Variants in SMCHD1 observed in about 807,000 individuals in gnomAD.
SMCHD1 encodes structural maintenance of chromosomes flexible hinge domain containing 1.
Under a neutral mutation model 254.7 loss-of-function variants are expected in SMCHD1, and 78 were observed. The observed-to-expected ratio is 0.31, with a 90% confidence interval of 0.26 to 0.37. The LOEUF (loss-of-function observed/expected upper bound fraction) is 0.37, where lower values mean the gene tolerates loss of function less well. Ranked by LOEUF, SMCHD1 falls within the 10% of genes least tolerant of loss-of-function variation. The pLI is 1.00. For missense variants in SMCHD1, 1,840 were observed against 2,408.1 expected (o/e 0.76, Z 4.94); for synonymous variants, 766 against 794.9 (o/e 0.96, Z 0.61).
intron 33 of SMCHD1, 141 bp from the exon 34 acceptor site, chr18:2,752,347 G>A (rs975289118): frequency 2.5e-5 from 16 of 638,190 alleles, no homozygotes; most frequent in South Asian, 9.0e-5. Flanking sequence ...AGATATAAAC[G>A]TGTGTATATA....
At chr18:2,688,580 A>G (rs751424431) in intron 6 of SMCHD1, 48 bp from the exon 7 acceptor site, 1 of 1,580,670 alleles carries the variant, frequency 6.3e-7, no homozygotes, top group East Asian at 2.2e-5. Flanking sequence ...TAAATGCATT[A>G]ACCAGTTTAT....
chr18:2,669,386 A>T (rs1008982381), intron 3 of SMCHD1, among the ~76,000 whole-genome samples: 3 of 152,142 alleles, frequency 2.0e-5, no homozygotes, highest in African/African-American at 7.2e-5. Flanking sequence ...CTTTGTAGAG[A>T]TGGAGTCTCA....
intron 44 of SMCHD1, 85 bp downstream of exon 44, chr18:2,778,324 A>C: frequency 1.0e-6 from 1 of 952,632 alleles, no homozygotes; most frequent in Non-Finnish European, 1.5e-6. Context: ...ACAAACGACT[A>C]GCCTTTTCAA....
In SMCHD1 at chr18:2,698,127, T is replaced by C. The variant is rs626994; in HGVS notation, c.1342+86T>C. The C allele has an allele frequency of 0.93, 993,750 of 1,066,468 alleles. 469,630 individuals are homozygous for C. The highest frequency in any genetic ancestry group is 1 in the East Asian group (38,514 of 38,520). 66.1% of individuals were successfully genotyped at this position (1,066,468 alleles called of 1,614,324 possible). Reference sequence around the variant, plus strand: ...TTTTTCTAAATGATTATCGGTTGGGTTATTCAGGTTAGATAAATATTAAAT... The same window carrying C: ...TTTTTCTAAATGATTATCGGTTGGGCTATTCAGGTTAGATAAATATTAAAT... On this transcript the variant is annotated intron_variant, in intron 10 of 47. Transcript: ENST00000320876.
At chr18:2,791,298 A>C (rs2076160604) in intron 45 of SMCHD1, among the ~76,000 whole-genome samples, 1 of 152,210 alleles carries the variant, frequency 6.6e-6, no homozygotes. Context: ...CCAAAGAAAA[A>C]AACCACTGAG....
At chr18:2,656,410 C>T (rs755504264) in intron 1 of SMCHD1, 149 bp downstream of exon 1, 15 of 777,114 alleles carry the variant, frequency 1.9e-5, no homozygotes, top group East Asian at 3.4e-5. Context: ...CCCGCCATGT[C>T]CGTGACCTGG....
chr18:2,728,783 A>G (rs530300279), intron 23 of SMCHD1, 187 bp downstream of exon 23: 4 of 522,642 alleles, frequency 7.7e-6, no homozygotes, highest in African/African-American at 2.0e-5. Flanking sequence ...AAAGATGCCA[A>G]CTGTGCCCAG....
chr18:2,760,218 G>A (rs193208046), intron 34 of SMCHD1, among the ~76,000 whole-genome samples: 1 of 152,278 alleles, frequency 6.6e-6, no homozygotes, highest in East Asian at 1.9e-4. Context: ...TACCTTGTAT[G>A]TGTAGTTAAA....
intron 29 of SMCHD1, among the ~76,000 whole-genome samples, chr18:2,747,310 G>A (rs187861402): frequency 2.4e-4 from 36 of 152,250 alleles, no homozygotes; most frequent in Admixed American, 1.6e-3. Flanking sequence ...TGTAATGTCA[G>A]GTGTTGCTTT....
At chr18:2,722,291 A>G (rs550151592) in intron 19 of SMCHD1, among the ~76,000 whole-genome samples, 1 of 152,314 alleles carries the variant, frequency 6.6e-6, no homozygotes, top group South Asian at 2.1e-4. Context: ...TACAAAAATT[A>G]GCCAGGTGTG....
chr18:2,787,322 C>T (rs1000172879), intron 45 of SMCHD1, among the ~76,000 whole-genome samples: 1 of 152,188 alleles, frequency 6.6e-6, no homozygotes, highest in Non-Finnish European at 1.5e-5. Context: ...CATTAGGCCT[C>T]ACCTCCCAAC....
chr18:2,659,559 T>G (rs2073180733), intron 1 of SMCHD1, among the ~76,000 whole-genome samples: 1 of 152,180 alleles, frequency 6.6e-6, no homozygotes, highest in African/African-American at 2.4e-5. Context: ...GAATCAACGA[T>G]TAGAAGATGA....
chr18:2,713,528 T>TA (rs35972993), intron 17 of SMCHD1, among the ~76,000 whole-genome samples: 46,890 of 151,674 alleles, frequency 0.31, 7,478 homozygotes, highest in East Asian at 0.5. Flanking sequence ...TACTAAGAAG[T>TA]AAAAAAATTA....
At chr18:2,759,612 C>G (rs1390481465) in intron 34 of SMCHD1, among the ~76,000 whole-genome samples, 2 of 130,742 alleles carry the variant, frequency 1.5e-5, no homozygotes, top group African/African-American at 5.9e-5. Context: ...CTCTGTCACC[C>G]AAGCTGGAGT....
intron 41 of SMCHD1, among the ~76,000 whole-genome samples, chr18:2,775,021 T>G (rs2076042924): frequency 6.6e-6 from 1 of 152,028 alleles, no homozygotes; most frequent in Non-Finnish European, 1.5e-5. Flanking sequence ...TATTTATTTA[T>G]TCTAAGCTCC....
At chr18:2,711,390 A>G (rs1475989559) in intron 17 of SMCHD1, among the ~76,000 whole-genome samples, 1 of 151,158 alleles carries the variant, frequency 6.6e-6, no homozygotes, top group Non-Finnish European at 1.5e-5. Context: ...GAGCCACTGC[A>G]CGTAGCCTTG....
chr18:2,768,978 T>G (rs2075926934), intron 37 of SMCHD1, among the ~76,000 whole-genome samples: 1 of 152,086 alleles, frequency 6.6e-6, no homozygotes, highest in South Asian at 2.1e-4. Context: ...TGACCTACAG[T>G]GCCATATCGA....
At chr18:2,778,652 C>G (rs1185289076) in intron 44 of SMCHD1, among the ~76,000 whole-genome samples, 1 of 152,100 alleles carries the variant, frequency 6.6e-6, no homozygotes, top group Non-Finnish European at 1.5e-5. Context: ...GCTGGAGATC[C>G]AAATTCACAG....
In SMCHD1 at chr18:2,689,375, G is replaced by A. The variant is rs571047228; in HGVS notation, c.873+628G>A. ...TGGGATTACAGGTGCCTGCCACCAT[G>A]CCCTGCTAATTTTTTTTGTAGTTTT... On this transcript the variant is annotated intron_variant, in intron 7 of 47. Transcript: ENST00000320876. Among the ~76,000 whole-genome samples the A allele has an allele frequency of 4.6e-4, 70 of 151,464 alleles. 1 individual carries two copies. The East Asian group carries it at 0.013, about 27-fold the overall frequency.
Sources: allele counts gnomAD v4.1 joint callset (sites outside exome capture counted in the v4.1 genomes callset), GRCh38; gene constraint gnomAD v4.1.1; transcripts MANE v1.5; gene names NCBI Gene and HGNC (gene_info 2026-07-23, HGNC 2026-07-21).